Variants in CRHR1 observed in about 807,000 individuals in gnomAD.
CRHR1 encodes corticotropin-releasing hormone receptor 1.
CRHR1 carries 28 observed loss-of-function variants against 56.0 expected under a neutral mutation model. That is an observed-to-expected ratio of 0.50 (90% CI 0.37 to 0.69). The LOEUF is 0.69. Among genes scored for constraint, CRHR1 ranks in the 30% least tolerant of loss-of-function variants. The pLI is 0.00. For missense variants in CRHR1, 376 were observed against 548.0 expected, an observed-to-expected ratio of 0.69 and a Z score of 3.13; for synonymous variants, 195 against 216.5, an observed-to-expected ratio of 0.90 and a Z score of 0.87.
intron 2 of CRHR1, among the ~76,000 whole-genome samples, chr17:45,812,043 G>A (rs1202877642): frequency 6.6e-6 from 1 of 152,024 alleles, no homozygotes; most frequent in Non-Finnish European, 1.5e-5. Flanking sequence ...CAAAATGCAG[G>A]GATGCCCAAG....
At chr17:45,785,517 A>C (rs1047116298) in intron 1 of CRHR1, among the ~76,000 whole-genome samples, 2 of 152,186 alleles carry the variant, frequency 1.3e-5, no homozygotes, top group Non-Finnish European at 2.9e-5. Flanking sequence ...GCTTCGCGCC[A>C]GTCTGGGCAT....
At chr17:45,830,383 C>T in intron 6 of CRHR1, 34 bp from the exon 7 acceptor site, 1 of 1,590,614 alleles carries the variant, frequency 6.3e-7, no homozygotes, top group Non-Finnish European at 8.6e-7. Context: ...CCCCTGCCCC[C>T]CATCATCATC....
At chr17:45,807,453 G>A (rs1159380352) in intron 2 of CRHR1, among the ~76,000 whole-genome samples, 4 of 152,242 alleles carry the variant, frequency 2.6e-5, no homozygotes, top group Admixed American at 6.5e-5. Context: ...ATCAAGGGAC[G>A]GAGGAAAGGC....
chr17:45,811,453 A>T (rs1002774297), intron 2 of CRHR1, among the ~76,000 whole-genome samples: 1 of 152,150 alleles, frequency 6.6e-6, no homozygotes, highest in Non-Finnish European at 1.5e-5. Flanking sequence ...AAGATATAGG[A>T]CCGGTTTTTG....
chr17:45,827,202 G>A (rs1193625583), intron 4 of CRHR1: 1 of 152,252 alleles, frequency 6.6e-6, no homozygotes, highest in Non-Finnish European at 1.5e-5. Flanking sequence ...CATACAGCAG[G>A]TGCTTAACAG....
chr17:45,824,096 G>A (rs1397994673), intron 4 of CRHR1, among the ~76,000 whole-genome samples: 1 of 152,236 alleles, frequency 6.6e-6, no homozygotes, highest in Admixed American at 6.5e-5. Context: ...GGGGGAAGGA[G>A]GTGGGGTTCC....
At chr17:45,813,912 C>G (rs989779596) in intron 2 of CRHR1, among the ~76,000 whole-genome samples, 1 of 152,246 alleles carries the variant, frequency 6.6e-6, no homozygotes, top group South Asian at 2.1e-4. Context: ...TGGACGGGGT[C>G]AGGCCTTTGG....
At chr17:45,789,551 T>C (rs1041770380) in intron 1 of CRHR1, among the ~76,000 whole-genome samples, 6 of 152,290 alleles carry the variant, frequency 3.9e-5, no homozygotes, top group African/African-American at 7.2e-5. Flanking sequence ...TTAAATTTTT[T>C]TGTAGAAACG....
In CRHR1 at chr17:45,833,698, AC is replaced by A; in HGVS notation, c.930-13del. The stretch of plus-strand genomic sequence containing the variant: ...GTGGGCTGTGACTCCGAGCCTCCCC[AC>A]CCGCCCCACCCCAGGAAGGCTGTGA... On this transcript the variant is annotated splice_polypyrimidine_tract_variant and intron_variant, in intron 10 of 12. Transcript: ENST00000314537. The A allele has an allele frequency of 2.9e-6, 1 of 340,420 alleles. No individual in the cohort carries two copies. Among genetic ancestry groups the A allele is most frequent in the Non-Finnish European group, 4.8e-6 (1 of 208,394 alleles). 21.1% of individuals were successfully genotyped at this position (340,420 alleles called of 1,614,324 possible).
At chr17:45,799,228 T>G (rs1398491562) in intron 1 of CRHR1, among the ~76,000 whole-genome samples, 2 of 152,226 alleles carry the variant, frequency 1.3e-5, no homozygotes, top group Non-Finnish European at 2.9e-5. Context: ...ACCCCTCCAC[T>G]TGGCACTTCT....
intron 2 of CRHR1, among the ~76,000 whole-genome samples, chr17:45,815,688 A>C (rs915584710): frequency 1.3e-5 from 2 of 152,222 alleles, no homozygotes; most frequent in African/African-American, 4.8e-5. Flanking sequence ...AGATGAAGAC[A>C]AGACACTAAG....
intron 3 of CRHR1, among the ~76,000 whole-genome samples, chr17:45,817,486 T>C (rs1413071983): frequency 6.6e-6 from 1 of 152,204 alleles, no homozygotes; most frequent in East Asian, 1.9e-4. Context: ...CCCAGCACAT[T>C]GTTGCCCCTC....
chr17:45,791,852 T>TCACACACACA (rs59855327), intron 1 of CRHR1, among the ~76,000 whole-genome samples: 24 of 121,094 alleles, frequency 2.0e-4, no homozygotes, highest in African/African-American at 8.1e-4. Flanking sequence ...TCTCTCTCTC[T>TCACACACACA]CACACACACA....
At chr17:45,809,303 T>C (rs2061775603) in intron 2 of CRHR1, among the ~76,000 whole-genome samples, 2 of 152,132 alleles carry the variant, frequency 1.3e-5, no homozygotes, top group African/African-American at 2.4e-5. Context: ...AGCATGAGTC[T>C]GGAGTTCTAG....
At chr17:45,786,127 C>CT (rs66781068) in intron 1 of CRHR1, among the ~76,000 whole-genome samples, 120,849 of 145,536 alleles carry the variant, frequency 0.83, 50,434 homozygotes, top group East Asian at 0.98. Context: ...GTTTTCTTTT[C>CT]TTTTTTTTTT....
At chr17:45,814,287 A>G (rs991542770) in intron 2 of CRHR1, among the ~76,000 whole-genome samples, 1 of 152,200 alleles carries the variant, frequency 6.6e-6, no homozygotes, top group African/African-American at 2.4e-5. Flanking sequence ...GGCATATGTC[A>G]TGTGTGCCTG....
intron 3 of CRHR1, among the ~76,000 whole-genome samples, chr17:45,818,282 C>CT (rs1489108042): frequency 1.3e-5 from 2 of 152,236 alleles, no homozygotes; most frequent in Non-Finnish European, 2.9e-5. Flanking sequence ...GGTCATGGCC[C>CT]TGTCACCTTT....
rs377543639 is a variant in CRHR1 at position 45,833,221 on chromosome 17, G to A, written c.843+11G>A. 95 of 1,613,708 alleles carry A rather than the reference G, an allele frequency of 5.9e-5. No homozygotes were observed. The African/African-American group carries it at 1.2e-3, about 20-fold the overall frequency. On this transcript the variant is annotated intron_variant, in intron 9 of 12. Transcript: ENST00000314537. ...ATCCTGGTCCTGCTGGTAAGAACCTGGGTAGGGGCAGGAGACAGGGCCCAG... is the reference window on the plus strand; with the variant it reads ...ATCCTGGTCCTGCTGGTAAGAACCTAGGTAGGGGCAGGAGACAGGGCCCAG...
At chr17:45,786,879 G>C (rs538463381) in intron 1 of CRHR1, among the ~76,000 whole-genome samples, 3 of 152,034 alleles carry the variant, frequency 2.0e-5, no homozygotes, top group African/African-American at 4.8e-5. Flanking sequence ...GGGCTCAAGC[G>C]ATCAGCCAGC....
Sources: allele counts gnomAD v4.1 joint callset (sites outside exome capture counted in the v4.1 genomes callset), GRCh38; gene constraint gnomAD v4.1.1; transcripts MANE v1.5; gene names NCBI Gene and HGNC (gene_info 2026-07-23, HGNC 2026-07-21).